The following ZBTB40 variants were observed in gnomAD, a reference collection of about 807,000 sequenced individuals.
The protein encoded by ZBTB40 is zinc finger and BTB domain containing 40, also known as zinc finger and BTB domain-containing protein 40.
A neutral mutation model predicts 117.5 loss-of-function variants in ZBTB40; 60 were observed. The observed-to-expected ratio is 0.51, with a 90% CI of 0.41 to 0.63. The LOEUF (loss-of-function observed/expected upper bound fraction) is 0.63. Among genes scored for constraint, ZBTB40 ranks in the 30% least tolerant of loss-of-function variants. The pLI, the probability that ZBTB40 is intolerant of heterozygous loss-of-function variation, is 0.00. For synonymous variants in ZBTB40, 525 were observed against 577.1 expected, an observed-to-expected ratio of 0.91 and a Z score of 1.29; for missense variants, 1,287 against 1,498.5, an observed-to-expected ratio of 0.86 and a Z score of 2.33.
chr1:22,480,103 C>T (rs533241357), intron 1 of ZBTB40, among the ~76,000 whole-genome samples: 7 of 152,146 alleles, frequency 4.6e-5, no homozygotes, highest in Non-Finnish European at 7.3e-5. Context: ...GACGGTGTTT[C>T]GCCGTGTTGG....
intron 2 of ZBTB40, 25 bp from the exon 3 acceptor site, chr1:22,491,375 T>C: frequency 6.2e-7 from 1 of 1,612,488 alleles, no homozygotes; most frequent in Non-Finnish European, 8.5e-7. Flanking sequence ...AATTTCTGAT[T>C]TGTTTTATTT....
chr1:22,477,513 G>T (rs1053993113), intron 1 of ZBTB40, among the ~76,000 whole-genome samples: 5 of 152,060 alleles, frequency 3.3e-5, no homozygotes, highest in African/African-American at 1.2e-4. Flanking sequence ...GCTGGGCATG[G>T]TGGCACGCGC....
chr1:22,520,026 C>A, intron 13 of ZBTB40, 35 bp from the exon 14 acceptor site: 1 of 1,598,580 alleles, frequency 6.3e-7, no homozygotes, highest in Non-Finnish European at 8.6e-7. Context: ...TTTTCCTCTC[C>A]ACCTCTTCCT....
At position 22,441,473 on chromosome 1, in the gene ZBTB40, C is replaced by CTTTTTTTTTTTTTTTTTTTTTT. The variant is rs71020419; in HGVS notation, c.-70+12460_-70+12481dup. On this transcript the variant is annotated intron_variant, in intron 1 of 8. Transcript: ENST00000650433. ...TGCTTCAGTCTTTATTATTTGCTTT[C>CTTTTTTTTTTTTTTTTTTTTTT]TTTTTTTTTTTTTTTTTTTTTTGAG... Among the ~76,000 whole-genome samples the CTTTTTTTTTTTTTTTTTTTTTT allele has an allele frequency of 1.6e-4, 12 of 73,724 alleles. 1 individual carries two copies. The highest frequency in any genetic ancestry group is 2.7e-4 in the Non-Finnish European group (11 of 40,464). 48.4% of individuals were successfully genotyped at this position (73,724 alleles called of 152,430 possible). A position where few individuals can be genotyped will look rare whatever the true frequency, so the allele number is the denominator to read the frequency against.
chr1:22,517,219 C>T (rs1288135359), intron 12 of ZBTB40, 81 bp from the exon 13 acceptor site: 59 of 1,571,668 alleles, frequency 3.8e-5, no homozygotes, highest in South Asian at 1.4e-4. Context: ...TTCCCTGATA[C>T]GTGCTGTAGA....
At position 22,524,223 on chromosome 1, in the gene ZBTB40, C is replaced by T. The variant is rs779327100; in HGVS notation, c.3304C>T (p.Gln1102Ter). The T allele has an allele frequency of 6.2e-7, 1 of 1,614,212 alleles. No homozygotes were observed. The highest frequency in any genetic ancestry group is 1.1e-5 in the South Asian group (1 of 91,084). ...VHVKCQHSGSQPFRCLYCAAT... is the reference protein window; with the variant it reads ...VHVKCQHSGS ...TCTGTCTCCCTCTCCTCCAGGGTCC[C>T]AGCCATTCCGGTGCTTGTACTGTGC... Residue 1102 changes from glutamine to a stop codon, truncating the protein, a stop_gained, in exon 17 of 18, where the codon CAG (glutamine) becomes TAG (stop). Transcript: ENST00000375647. LOFTEE classifies it high-confidence loss of function.
intron 1 of ZBTB40, among the ~76,000 whole-genome samples, chr1:22,484,337 G>A (rs1638407943): frequency 6.6e-6 from 1 of 152,062 alleles, no homozygotes; most frequent in African/African-American, 2.4e-5. Context: ...TCAGAGTTTT[G>A]TTGTTTTCTT....
intron 1 of ZBTB40, among the ~76,000 whole-genome samples, chr1:22,457,734 G>C (rs1402210847): frequency 6.6e-6 from 1 of 152,184 alleles, no homozygotes; most frequent in South Asian, 2.1e-4. Context: ...GTTATTTTTA[G>C]CATAAAAACA....
rs367920690 is a variant in ZBTB40 at position 22,513,093 on chromosome 1, C to T, written c.2631C>T (p.Ser877=). ...GCCTCATGACCTTCACCCAGGCCTC[C>T]GCCCTGGCCTATCACACCAAGAAGA... is the stretch of plus-strand genomic sequence containing the variant. ...KHCLMTFTQA[S]ALAYHTKKKH... The change falls in exon 12 of 18, where the codon TCC becomes TCT. Residue 877 remains serine, a synonymous_variant. Coordinates refer to ENST00000375647, the MANE Select transcript of ZBTB40 (RefSeq NM_014870.4). This position sits in a 1 kb window ranked among gnomAD's most constrained non-coding sequence, Gnocchi z 4.9. 16 of 1,614,014 alleles carry T rather than the reference C, an allele frequency of 9.9e-6. No individual in the cohort carries two copies. The highest frequency in any genetic ancestry group is 2.2e-5 in the South Asian group (2 of 91,074).
At chr1:22,525,651 G>T (rs1639655792) in intron 17 of ZBTB40, among the ~76,000 whole-genome samples, 1 of 152,230 alleles carries the variant, frequency 6.6e-6, no homozygotes. Context: ...GGGGGCACTG[G>T]CCCCGCCAGG....
intron 1 of ZBTB40, among the ~76,000 whole-genome samples, chr1:22,465,448 G>A (rs1034077243): frequency 1.2e-4 from 18 of 152,108 alleles, no homozygotes; most frequent in African/African-American, 3.6e-4. Context: ...GGCCATGGGC[G>A]GGCCTGGAAA....
At chr1:22,498,787 G>GAAA (rs11371974) in intron 3 of ZBTB40, among the ~76,000 whole-genome samples, 1 of 146,266 alleles carries the variant, frequency 6.8e-6, no homozygotes, top group African/African-American at 2.5e-5. Flanking sequence ...GTTTCAGGTG[G>GAAA]AAAAAAAAAA....
At chr1:22,433,588 A>AT (rs1205199790) in intron 1 of ZBTB40, among the ~76,000 whole-genome samples, 1 of 149,132 alleles carries the variant, frequency 6.7e-6, no homozygotes, top group Non-Finnish European at 1.5e-5. Flanking sequence ...GCCATTATAG[A>AT]TATCAGGGAC....
intron 17 of ZBTB40, among the ~76,000 whole-genome samples, chr1:22,524,782 C>G (rs182585883): frequency 2.0e-4 from 30 of 152,344 alleles, no homozygotes; most frequent in African/African-American, 6.0e-4. Flanking sequence ...TGGGCAGGGA[C>G]TGCCTGCAGT....
chr1:22,517,365 G>A lies in ZBTB40; in HGVS notation c.2734G>A (p.Val912Met), dbSNP rs1197254054. 5 of 1,614,084 alleles carry A rather than the reference G, an allele frequency of 3.1e-6. No individual in the cohort carries two copies. Among genetic ancestry groups the A allele is most frequent in the African/African-American group, 2.7e-5 (2 of 74,926 alleles). The change falls in exon 13 of 18, where the codon GTG becomes ATG. Residue 912 changes from valine to methionine, a missense_variant. Transcript: ENST00000375647. ...FAQSIELSRH[V>M]RTHTGDKPYV... ...CCAGTCTATTGAGCTGTCCCGCCAC[G>A]TGAGGACCCACACCGGGGACAAGCC...
Position 22,530,606 on chromosome 1 carries a change from C to T in ZBTB40, c.*4210C>T, listed in dbSNP as rs1235128563. 7 of 152,298 alleles carry T rather than the reference C, an allele frequency of 4.6e-5. No individual in the cohort carries two copies. Among genetic ancestry groups the T allele is most frequent in the Admixed American group, 3.9e-4 (6 of 15,282 alleles). 9.4% of individuals were successfully genotyped at this position (152,298 alleles called of 1,614,324 possible). ...CCATGGTCAGGACAGTCAGCCACTA[C>T]GTGATGCTGTATAAATTGGATTACA... On this transcript the variant is annotated 3_prime_UTR_variant, in exon 18 of 18. Transcript: ENST00000375647.
At chr1:22,484,219 G>A (rs1226013204) in intron 1 of ZBTB40, among the ~76,000 whole-genome samples, 2 of 152,170 alleles carry the variant, frequency 1.3e-5, no homozygotes, top group African/African-American at 2.4e-5. Context: ...TCAATATTGA[G>A]TTAGCTATTT....
In ZBTB40 at chr1:22,513,333, G is replaced by A. The variant is rs1639292242; in HGVS notation, c.2668+203G>A. Among the ~76,000 whole-genome samples, 1 of 152,132 alleles carries A rather than the reference G, an allele frequency of 6.6e-6. No individual in the cohort carries two copies. Among genetic ancestry groups the A allele is most frequent in the South Asian group, 2.1e-4 (1 of 4,824 alleles). ...ATTACACAGAGGATAAATGCTGGAGGGGATGGATCTCTCATTCTCCCTGAT... is the reference window on the plus strand; with the variant it reads ...ATTACACAGAGGATAAATGCTGGAGAGGATGGATCTCTCATTCTCCCTGAT... On this transcript the variant is annotated intron_variant, in intron 12 of 17. Coordinates refer to ENST00000375647, the MANE Select transcript of ZBTB40 (RefSeq NM_014870.4). The surrounding 1 kb of genome is among the most constrained non-coding windows in gnomAD (Gnocchi z 4.9).
chr1:22,520,607 C>T (rs979122537), intron 14 of ZBTB40, among the ~76,000 whole-genome samples: 6 of 152,116 alleles, frequency 3.9e-5, no homozygotes, highest in Non-Finnish European at 5.9e-5. Context: ...GGCATGACAG[C>T]GGCAATGGGG....
Sources: allele counts gnomAD v4.1 joint callset (sites outside exome capture counted in the v4.1 genomes callset), GRCh38; gene constraint gnomAD v4.1.1; non-coding constraint Gnocchi (gnomAD v3.1); transcripts MANE v1.5; gene names NCBI Gene and HGNC (gene_info 2026-07-23, HGNC 2026-07-21).